The following DEPDC1B variants were observed in gnomAD, a reference collection of about 807,000 sequenced individuals.
DEPDC1B encodes DEP domain containing 1B.
In DEPDC1B, 51 loss-of-function variants were observed where a neutral mutation model predicts 66.5. The ratio of observed to expected loss-of-function variants is 0.77; its 90% CI spans 0.61 to 0.97. The LOEUF (loss-of-function observed/expected upper bound fraction) is 0.97, where lower values mean the gene tolerates loss of function less well. DEPDC1B is among the 50% of genes least tolerant of loss of function. The probability of loss-of-function intolerance (pLI) is 0.00; values close to 1 mark genes in which losing one functional copy is unlikely to be tolerated. For synonymous variants in DEPDC1B, 226 were observed against 223.6 expected, an observed-to-expected ratio of 1.01 and a Z score of -0.10; for missense variants, 552 against 637.1, an observed-to-expected ratio of 0.87 and a Z score of 1.44.
At chr5:60,599,994 G>A (rs1185633256) in intron 9 of DEPDC1B, among the ~76,000 whole-genome samples, 2 of 152,052 alleles carry the variant, frequency 1.3e-5, no homozygotes, top group African/African-American at 2.4e-5. Flanking sequence ...AGCTGGTCTC[G>A]GCATTCCCTC....
intron 2 of DEPDC1B, among the ~76,000 whole-genome samples, chr5:60,649,729 T>C (rs1753399037): frequency 1.3e-5 from 2 of 152,002 alleles, no homozygotes; most frequent in Admixed American, 1.3e-4. Flanking sequence ...TTAAGAAAAT[T>C]ATAAAATTTT....
At chr5:60,694,556 T>C (rs919005265) in intron 1 of DEPDC1B, among the ~76,000 whole-genome samples, 1 of 152,238 alleles carries the variant, frequency 6.6e-6, no homozygotes, top group Admixed American at 6.5e-5. Context: ...CTACACTAGA[T>C]GTTATCATTT....
intron 7 of DEPDC1B, among the ~76,000 whole-genome samples, chr5:60,608,355 C>A (rs72755146): frequency 0.11 from 17,321 of 151,722 alleles, 1,038 homozygotes; most frequent in Middle Eastern, 0.13. Flanking sequence ...AAGCATAATG[C>A]ATTTATTTTG....
chr5:60,666,760 G>T (rs976817778), intron 2 of DEPDC1B, among the ~76,000 whole-genome samples: 2 of 152,132 alleles, frequency 1.3e-5, no homozygotes, highest in African/African-American at 4.8e-5. Flanking sequence ...GCCCAGAGGT[G>T]GCACCGACTA....
chr5:60,675,736 C>A (rs564385153), intron 2 of DEPDC1B, among the ~76,000 whole-genome samples: 1 of 152,194 alleles, frequency 6.6e-6, no homozygotes, highest in African/African-American at 2.4e-5. Flanking sequence ...CCACGGCTAG[C>A]ATTCTCATCT....
chr5:60,607,255 T>A (rs746647465), intron 7 of DEPDC1B, among the ~76,000 whole-genome samples: 2 of 151,852 alleles, frequency 1.3e-5, no homozygotes, highest in East Asian at 3.9e-4. Context: ...AGGAAGGAGA[T>A]TGGGTTTGAT....
At chr5:60,655,458 G>A (rs1753555882) in intron 2 of DEPDC1B, among the ~76,000 whole-genome samples, 1 of 148,840 alleles carries the variant, frequency 6.7e-6, no homozygotes, top group African/African-American at 2.5e-5. Flanking sequence ...TATTTATATG[G>A]TATCAGTTGT....
At chr5:60,641,526 C>G (rs1035027195) in intron 6 of DEPDC1B, among the ~76,000 whole-genome samples, 1 of 152,006 alleles carries the variant, frequency 6.6e-6, no homozygotes, top group South Asian at 2.1e-4. Context: ...CGGAGTTTCA[C>G]CATGTTAGCC....
intron 7 of DEPDC1B, among the ~76,000 whole-genome samples, chr5:60,613,557 AG>A (rs1306613060): frequency 6.6e-6 from 1 of 152,194 alleles, no homozygotes; most frequent in African/African-American, 2.4e-5. Flanking sequence ...ACAACAATAG[AG>A]ATGTGTCAAG....
At chr5:60,617,738 A>G (rs1397199092) in intron 7 of DEPDC1B, among the ~76,000 whole-genome samples, 1 of 152,196 alleles carries the variant, frequency 6.6e-6, no homozygotes, top group Admixed American at 6.5e-5. Flanking sequence ...ACATGACAGA[A>G]AGTTAACAAG....
chr5:60,676,744 C>G (rs1037167497), intron 2 of DEPDC1B, among the ~76,000 whole-genome samples: 1 of 152,138 alleles, frequency 6.6e-6, no homozygotes, highest in African/African-American at 2.4e-5. Context: ...CGTCTCCTTC[C>G]CCTTCTCCTT....
intron 3 of DEPDC1B, 28 bp downstream of exon 3, chr5:60,647,370 C>A: frequency 6.4e-7 from 1 of 1,571,874 alleles, no homozygotes; most frequent in Non-Finnish European, 8.6e-7. Flanking sequence ...TGCTGCCAGC[C>A]CTTCCATCTT....
At chr5:60,651,884 G>A (rs1753465602) in intron 2 of DEPDC1B, among the ~76,000 whole-genome samples, 1 of 152,154 alleles carries the variant, frequency 6.6e-6, no homozygotes, top group Non-Finnish European at 1.5e-5. Flanking sequence ...AATGACAACT[G>A]GTTTCTTTTA....
intron 7 of DEPDC1B, among the ~76,000 whole-genome samples, chr5:60,621,523 G>C (rs747994656): frequency 6.6e-6 from 1 of 151,722 alleles, no homozygotes; most frequent in Non-Finnish European, 1.5e-5. Context: ...ATAACACACC[G>C]GGGCCTGTCC....
chr5:60,626,865 A>G (rs1752818588), intron 7 of DEPDC1B, among the ~76,000 whole-genome samples: 1 of 152,144 alleles, frequency 6.6e-6, no homozygotes, highest in Non-Finnish European at 1.5e-5. Flanking sequence ...TCTTGAGTTC[A>G]GGAGATCTAG....
intron 7 of DEPDC1B, among the ~76,000 whole-genome samples, chr5:60,617,017 A>T (rs1752573089): frequency 6.6e-6 from 1 of 152,196 alleles, no homozygotes; most frequent in African/African-American, 2.4e-5. Context: ...TCAACCCAGA[A>T]TTTCATATCC....
intron 2 of DEPDC1B, among the ~76,000 whole-genome samples, chr5:60,658,338 T>C (rs1221445180): frequency 1.3e-5 from 2 of 152,238 alleles, no homozygotes; most frequent in African/African-American, 4.8e-5. Flanking sequence ...GCTGGTGAAC[T>C]AGTGTAATCT....
intron 2 of DEPDC1B, among the ~76,000 whole-genome samples, chr5:60,661,876 C>G (rs1029918403): frequency 6.6e-6 from 1 of 152,152 alleles, no homozygotes; most frequent in African/African-American, 2.4e-5. Context: ...CAGACATTTA[C>G]TAACTTGCGT....
At chr5:60,619,325 A>G (rs1434842093) in intron 7 of DEPDC1B, among the ~76,000 whole-genome samples, 1 of 152,234 alleles carries the variant, frequency 6.6e-6, no homozygotes, top group Non-Finnish European at 1.5e-5. Flanking sequence ...AGGGTATTCG[A>G]TTAGGAAAAG....
Sources: allele counts gnomAD v4.1 joint callset (sites outside exome capture counted in the v4.1 genomes callset), GRCh38; gene constraint gnomAD v4.1.1; transcripts MANE v1.5; gene names NCBI Gene and HGNC (gene_info 2026-07-23, HGNC 2026-07-21).